Variants in PLCZ1 observed in about 807,000 individuals in gnomAD.
The protein encoded by PLCZ1 is phospholipase C zeta 1.
PLCZ1 carries 64 observed loss-of-function variants against 76.8 expected under a neutral mutation model. The observed-to-expected ratio is 0.83, with a 90% CI of 0.68 to 1.03. PLCZ1 has a LOEUF of 1.03. PLCZ1 is among the 50% of genes least tolerant of loss of function. The pLI, the probability that PLCZ1 is intolerant of heterozygous loss-of-function variation, is 0.00. For missense variants in PLCZ1, 751 were observed against 713.7 expected, an observed-to-expected ratio of 1.05 and a Z score of -0.60; for synonymous variants, 248 against 230.8, an observed-to-expected ratio of 1.07 and a Z score of -0.68.
At chr12:18,661,376 A>AAG in the PLCZ1 span, among the ~76,000 whole-genome samples, 10 of 151,310 alleles carry the variant, frequency 6.6e-5, no homozygotes, top group African/African-American at 2.4e-4. Flanking sequence ...AATAAAAAAA[A>AAG]AGAGAGAGAG....
At chr12:18,721,636 T>C (rs1418920453) in intron 4 of PLCZ1, among the ~76,000 whole-genome samples, 1 of 151,912 alleles carries the variant, frequency 6.6e-6, no homozygotes, top group Non-Finnish European at 1.5e-5. Flanking sequence ...AAACTGGTTG[T>C]TTCCAGTTGG....
At chr12:18,709,800 G>T in intron 6 of PLCZ1, among the ~76,000 whole-genome samples, 1 of 152,040 alleles carries the variant, frequency 6.6e-6, no homozygotes, top group East Asian at 1.9e-4. Flanking sequence ...CAGGAGTATA[G>T]GATATCTTTT....
intron 14 of PLCZ1, chr12:18,683,681 A>C: frequency 8.1e-7 from 1 of 1,237,520 alleles, no homozygotes; most frequent in Non-Finnish European, 1.1e-6. Flanking sequence ...AGCACAGTGT[A>C]AATCACCCTG....
rs1952743679 is a variant in PLCZ1 at position 18,684,155 on chromosome 12, A to C, written c.1716T>G (p.Thr572=). The stretch of plus-strand genomic sequence containing the variant: ...CTTTGTTCATGCATAGAAGTGGCAA[A>C]GTATATTGCCCAAGAAATTCATTTC... The part of the protein sequence containing the change: ...IAGNEFLGQY[T]LPLLCMNKGY... Residue 572 remains threonine (T), a synonymous_variant, in exon 14 of 15, where the codon ACT becomes ACG. Coordinates refer to ENST00000266505, the MANE Select transcript of PLCZ1 (RefSeq NM_033123.4). The C allele has an allele frequency of 1.2e-5, 20 of 1,612,012 alleles. No homozygotes were observed. The highest frequency in any genetic ancestry group is 1.5e-5 in the Non-Finnish European group (18 of 1,178,752).
At chr12:18,673,052 TAGAAG>T in the PLCZ1 span, among the ~76,000 whole-genome samples, 1 of 152,090 alleles carries the variant, frequency 6.6e-6, no homozygotes, top group Non-Finnish European at 1.5e-5. Context: ...AAGTGGTACA[TAGAAG>T]AGAATTAAAA....
rs780438880 is a variant in PLCZ1 at position 18,683,277 on chromosome 12, G to C, written c.1789C>G (p.Pro597Ala). ...LFSRMGESLE[P>A]ASLFVYVWYV... ...CAAACATAAACAAACAGTGAAGCAG[G>C]CTCAAGGCTCTCACCCATTCTGGAA... Residue 597 changes from proline to alanine, a missense_variant, in exon 15 of 15, where the codon CCT becomes GCT. Physicochemically the swap from Pro to Ala is conservative, Grantham distance 27. Transcript: ENST00000266505. 1 of 1,612,546 alleles carries C rather than the reference G, an allele frequency of 6.2e-7. No homozygotes were observed. The highest frequency in any genetic ancestry group is 1.7e-5 in the Admixed American group (1 of 59,846).
intron 6 of PLCZ1, among the ~76,000 whole-genome samples, chr12:18,706,643 T>C (rs1956646729): frequency 6.6e-6 from 1 of 152,180 alleles, no homozygotes; most frequent in African/African-American, 2.4e-5. Flanking sequence ...ATTTACAATT[T>C]TTTTCTTTGT....
intron 6 of PLCZ1, among the ~76,000 whole-genome samples, chr12:18,708,128 T>C (rs141470764): frequency 6.6e-6 from 1 of 152,348 alleles, no homozygotes; most frequent in East Asian, 1.9e-4. Context: ...ATCCTACATA[T>C]GTGCTACTTT....
chr12:18,726,975 T>C (rs1281311954), intron 3 of PLCZ1, among the ~76,000 whole-genome samples: 2 of 152,074 alleles, frequency 1.3e-5, no homozygotes, highest in Non-Finnish European at 2.9e-5. Context: ...GATGCAAAAG[T>C]AACATATTGT....
At chr12:18,666,145 A>G in the PLCZ1 span, among the ~76,000 whole-genome samples, 3 of 152,024 alleles carry the variant, frequency 2.0e-5, no homozygotes, top group African/African-American at 4.8e-5. Flanking sequence ...ACACTAGAAA[A>G]TATCTAACAC....
the PLCZ1 span, among the ~76,000 whole-genome samples, chr12:18,665,400 C>T: frequency 6.6e-6 from 1 of 151,912 alleles, no homozygotes; most frequent in Non-Finnish European, 1.5e-5. Context: ...ATTTGTATTT[C>T]ACCACAAGAA....
chr12:18,683,399 C>G (rs540867122), intron 14 of PLCZ1, 75 bp from the exon 15 acceptor site: 1 of 1,510,866 alleles, frequency 6.6e-7, no homozygotes, highest in African/African-American at 1.4e-5. Flanking sequence ...TGCTGAGAAA[C>G]AAGAGCTCTT....
At chr12:18,675,637 G>A in the PLCZ1 span, among the ~76,000 whole-genome samples, 1 of 152,088 alleles carries the variant, frequency 6.6e-6, no homozygotes, top group Non-Finnish European at 1.5e-5. Flanking sequence ...ATCAATGGTT[G>A]ATTGGGTAAA....
At chr12:18,696,348 A>ATATATATATATATATATCTATC (rs10523511) in intron 10 of PLCZ1, 82 bp from the exon 11 acceptor site, 2 of 214,170 alleles carry the variant, frequency 9.3e-6, no homozygotes, top group Non-Finnish European at 1.6e-5. Flanking sequence ...ATATATATAT[A>ATATATATATATATATATCTATC]TATCATATAA....
At chr12:18,726,318 T>G (rs1302206624) in intron 3 of PLCZ1, among the ~76,000 whole-genome samples, 1 of 152,208 alleles carries the variant, frequency 6.6e-6, no homozygotes, top group Non-Finnish European at 1.5e-5. Flanking sequence ...TAAAATCATT[T>G]GTCTCCTGTT....
the PLCZ1 span, among the ~76,000 whole-genome samples, chr12:18,667,801 C>T: frequency 2.0e-5 from 3 of 152,160 alleles, no homozygotes; most frequent in Admixed American, 2.0e-4. Flanking sequence ...CAGTCAATCC[C>T]AGCTCTGGCT....
chr12:18,659,985 T>TA, the PLCZ1 span, among the ~76,000 whole-genome samples: 1 of 152,014 alleles, frequency 6.6e-6, no homozygotes, highest in East Asian at 1.9e-4. Flanking sequence ...TAAGTAAATG[T>TA]AAAAAACAAA....
chr12:18,731,533 CTT>C (rs34568267), intron 3 of PLCZ1, among the ~76,000 whole-genome samples: 18 of 94,352 alleles, frequency 1.9e-4, no homozygotes, highest in African/African-American at 6.9e-4. Flanking sequence ...AATAAGCTGT[CTT>C]TTTTTTTTTT....
chr12:18,682,339 G>C (rs114818065), downstream of PLCZ1, among the ~76,000 whole-genome samples: 2,736 of 152,054 alleles, frequency 0.018, 93 homozygotes, highest in African/African-American at 0.063. Context: ...TTATTAGTTA[G>C]GATTCCATTG....
Sources: gnomAD v4.1 joint callset for allele counts (sites outside exome capture counted in the v4.1 genomes callset) on GRCh38, gnomAD v4.1.1 for gene constraint, MANE v1.5 for transcripts, NCBI Gene and HGNC (gene_info 2026-07-23, HGNC 2026-07-21) for gene names.